The following HHAT variants were observed in gnomAD, a reference collection of about 807,000 sequenced individuals.
The protein encoded by HHAT is hedgehog acyltransferase, also known as protein-cysteine N-palmitoyltransferase HHAT.
Under a neutral mutation model 70.8 loss-of-function variants are expected in HHAT, and 47 were observed. The observed-to-expected ratio is 0.66, with a 90% confidence interval of 0.53 to 0.85. The LOEUF is 0.85. HHAT is among the 40% of genes least tolerant of loss of function. The pLI, the probability that HHAT is intolerant of heterozygous loss-of-function variation, is 0.00. For synonymous variants in HHAT, 228 were observed against 247.6 expected, an observed-to-expected ratio of 0.92 and a Z score of 0.74; for missense variants, 609 against 604.8, an observed-to-expected ratio of 1.01 and a Z score of -0.07.
At chr1:210,538,293 A>C (rs948631619) in intron 9 of HHAT, among the ~76,000 whole-genome samples, 4 of 152,212 alleles carry the variant, frequency 2.6e-5, no homozygotes, top group Non-Finnish European at 4.4e-5. Flanking sequence ...AAAATAAATA[A>C]TATTTAGCCA....
At chr1:210,637,306 T>C (rs1672057518) in intron 11 of HHAT, among the ~76,000 whole-genome samples, 2 of 152,162 alleles carry the variant, frequency 1.3e-5, no homozygotes, top group South Asian at 4.1e-4. Context: ...GAGCCAAAAC[T>C]ATAAAACTCT....
chr1:210,546,365 G>A (rs186703252), intron 9 of HHAT, among the ~76,000 whole-genome samples: 4 of 152,250 alleles, frequency 2.6e-5, no homozygotes, highest in Non-Finnish European at 5.9e-5. Flanking sequence ...TTCAGGGAAC[G>A]TGATCCAGGG....
intron 9 of HHAT, among the ~76,000 whole-genome samples, chr1:210,578,394 A>G (rs182293471): frequency 1.2e-4 from 18 of 152,316 alleles, no homozygotes. Flanking sequence ...TTGTTGGTAC[A>G]GCCACTATGG....
chr1:210,378,803 T>C (rs1051472438), intron 3 of HHAT, among the ~76,000 whole-genome samples: 5 of 152,240 alleles, frequency 3.3e-5, no homozygotes, highest in Non-Finnish European at 7.3e-5. Context: ...TAGCTGGTGT[T>C]TTCTTCCATT....
intron 9 of HHAT, among the ~76,000 whole-genome samples, chr1:210,556,536 T>C (rs570214720): frequency 1.3e-5 from 2 of 152,316 alleles, no homozygotes; most frequent in South Asian, 4.1e-4. Flanking sequence ...CCTCCTTTCC[T>C]CTCATCGCCT....
chr1:210,664,101 G>A (rs1029879253), intron 11 of HHAT, among the ~76,000 whole-genome samples: 1 of 152,238 alleles, frequency 6.6e-6, no homozygotes, highest in African/African-American at 2.4e-5. Context: ...GTTAGATCCA[G>A]TGGTTTATAG....
chr1:210,616,641 T>C (rs1404329028), intron 10 of HHAT, among the ~76,000 whole-genome samples: 1 of 152,206 alleles, frequency 6.6e-6, no homozygotes, highest in Non-Finnish European at 1.5e-5. Context: ...GCAAAGATCT[T>C]GAAGGTTGCA....
chr1:210,462,282 G>A (rs1387274261), intron 7 of HHAT: 8 of 152,216 alleles, frequency 5.3e-5, no homozygotes, highest in Non-Finnish European at 1.2e-4. Context: ...GATACCTTCA[G>A]TTCTTCAGGT....
intron 10 of HHAT, among the ~76,000 whole-genome samples, chr1:210,605,676 C>A (rs1665247632): frequency 6.6e-6 from 1 of 152,138 alleles, no homozygotes; most frequent in Non-Finnish European, 1.5e-5. Context: ...AAGATACGTC[C>A]ATGGCTCACA....
intron 8 of HHAT, among the ~76,000 whole-genome samples, chr1:210,482,349 A>G (rs770441551): frequency 5.4e-4 from 82 of 152,214 alleles, no homozygotes; most frequent in Non-Finnish European, 2.2e-4. Context: ...GCTGGTGCCT[A>G]TCTGAAAATG....
At chr1:210,578,653 A>C (rs561809770) in intron 9 of HHAT, among the ~76,000 whole-genome samples, 2 of 152,216 alleles carry the variant, frequency 1.3e-5, no homozygotes, top group Non-Finnish European at 2.9e-5. Context: ...AAAAAGAAGA[A>C]ATTCCTGCCA....
At position 210,630,032 on chromosome 1, in the gene HHAT, G is replaced by A. The variant is rs142693334; in HGVS notation, c.1390+6362G>A. ...TAATTTTTGTATATTTAGTAGAGACGGGGTTTCACCATGTTCGTCAGGCTG... is the reference window on the plus strand; with the variant it reads ...TAATTTTTGTATATTTAGTAGAGACAGGGTTTCACCATGTTCGTCAGGCTG... On this transcript the variant is annotated intron_variant, in intron 11 of 11. Transcript: ENST00000261458. 1.8e-3 allele frequency among the ~76,000 whole-genome samples: 269 copies of A among 151,992 alleles called. 1 individual carries two copies. The highest frequency in any genetic ancestry group is 6.0e-3 in the African/African-American group (250 of 41,486).
At chr1:210,331,498 TCAAA>T (rs1352424061) in intron 1 of HHAT, among the ~76,000 whole-genome samples, 1 of 152,234 alleles carries the variant, frequency 6.6e-6, no homozygotes, top group Non-Finnish European at 1.5e-5. Flanking sequence ...ATTTGCTATC[TCAAA>T]CAGTTGGTCC....
intron 8 of HHAT, among the ~76,000 whole-genome samples, chr1:210,469,647 G>A (rs758195709): frequency 2.0e-5 from 3 of 152,170 alleles, no homozygotes; most frequent in South Asian, 4.1e-4. Context: ...TACAAATAGA[G>A]TAAAATTTAT....
At chr1:210,464,677 A>G in intron 8 of HHAT, 22 bp downstream of exon 8, 2 of 1,613,754 alleles carry the variant, frequency 1.2e-6, no homozygotes, top group Non-Finnish European at 1.7e-6. Flanking sequence ...GGATTGCTAA[A>G]GTTGGTCAGG....
intron 8 of HHAT, among the ~76,000 whole-genome samples, chr1:210,485,006 T>C (rs1171642359): frequency 1.3e-5 from 2 of 152,148 alleles, no homozygotes; most frequent in African/African-American, 4.8e-5. Context: ...CAGAGTAAGA[T>C]GAGGTATGGG....
intron 10 of HHAT, among the ~76,000 whole-genome samples, chr1:210,611,042 C>T (rs977607595): frequency 6.6e-6 from 1 of 152,090 alleles, no homozygotes; most frequent in Non-Finnish European, 1.5e-5. Flanking sequence ...TTTTCTAATT[C>T]TGTGAATGAT....
At chr1:210,567,102 C>T (rs1242412017) in intron 9 of HHAT, among the ~76,000 whole-genome samples, 1 of 152,198 alleles carries the variant, frequency 6.6e-6, no homozygotes, top group Admixed American at 6.5e-5. Flanking sequence ...GGCAACCAAA[C>T]AGAGGATGCA....
chr1:210,664,719 G>A (rs922467887), intron 11 of HHAT, among the ~76,000 whole-genome samples: 17 of 152,208 alleles, frequency 1.1e-4, no homozygotes, highest in African/African-American at 4.1e-4. Flanking sequence ...GCAAGTGCAG[G>A]AGCAGGCCCT....
Sources: gnomAD v4.1 joint callset for allele counts (sites outside exome capture counted in the v4.1 genomes callset) on GRCh38, gnomAD v4.1.1 for gene constraint, MANE v1.5 for transcripts, NCBI Gene and HGNC (gene_info 2026-07-23, HGNC 2026-07-21) for gene names.